The following EHBP1 variants were observed in gnomAD, a reference collection of about 807,000 sequenced individuals.
EHBP1 encodes EH domain-binding protein 1.
In EHBP1, 55 loss-of-function variants were observed where a neutral mutation model predicts 144.0. The observed-to-expected ratio is 0.38, with a 90% CI of 0.31 to 0.48. The LOEUF is 0.48. EHBP1 is among the 20% of genes least tolerant of loss of function. The pLI, the probability that EHBP1 is intolerant of heterozygous loss-of-function variation, is 0.98. For missense variants in EHBP1, 1,200 were observed against 1,364.2 expected, an observed-to-expected ratio of 0.88 and a Z score of 1.90; for synonymous variants, 469 against 472.7, an observed-to-expected ratio of 0.99 and a Z score of 0.10.
intron 10 of EHBP1, among the ~76,000 whole-genome samples, chr2:62,884,633 A>G (rs1325311387): frequency 1.3e-5 from 2 of 152,226 alleles, no homozygotes; most frequent in African/African-American, 4.8e-5. Flanking sequence ...GGAAATCACC[A>G]ACTACACAAT....
chr2:62,984,481 C>G (rs1402348511), intron 15 of EHBP1, among the ~76,000 whole-genome samples: 1 of 152,206 alleles, frequency 6.6e-6, no homozygotes, highest in African/African-American at 2.4e-5. Flanking sequence ...CTGCCTTGTT[C>G]ACCTACTGGG....
intron 7 of EHBP1, among the ~76,000 whole-genome samples, chr2:62,844,820 G>A (rs999096632): frequency 2.6e-5 from 4 of 152,028 alleles, no homozygotes; most frequent in African/African-American, 4.8e-5. Context: ...ATCACCATGG[G>A]GTCTACCTAA....
chr2:62,992,822 T>A (rs1176278799), intron 16 of EHBP1, among the ~76,000 whole-genome samples: 2 of 152,208 alleles, frequency 1.3e-5, no homozygotes, highest in Non-Finnish European at 2.9e-5. Flanking sequence ...CAGGCTTAGC[T>A]ATTAGTCATG....
intron 2 of EHBP1, among the ~76,000 whole-genome samples, chr2:62,732,581 C>T (rs1323073654): frequency 6.6e-6 from 1 of 152,148 alleles, no homozygotes; most frequent in Non-Finnish European, 1.5e-5. Context: ...CCCTTGCTCT[C>T]TCTTCCTTCT....
chr2:62,801,372 A>G (rs944161261), intron 5 of EHBP1, among the ~76,000 whole-genome samples: 1 of 152,200 alleles, frequency 6.6e-6, no homozygotes, highest in Admixed American at 6.5e-5. Context: ...TAACTGATAC[A>G]TTTATATCAA....
At chr2:62,752,954 C>T (rs187856214) in intron 3 of EHBP1, among the ~76,000 whole-genome samples, 1 of 152,128 alleles carries the variant, frequency 6.6e-6, no homozygotes, top group Non-Finnish European at 1.5e-5. Context: ...ACTCTTTATC[C>T]AAATTGCCAG....
chr2:62,967,391 G>C (rs1403347777), intron 14 of EHBP1, among the ~76,000 whole-genome samples: 1 of 152,190 alleles, frequency 6.6e-6, no homozygotes, highest in Non-Finnish European at 1.5e-5. Context: ...AATTGGATTT[G>C]TAGGAATAAC....
intron 8 of EHBP1, among the ~76,000 whole-genome samples, chr2:62,864,124 A>G (rs2152811770): frequency 6.6e-6 from 1 of 152,224 alleles, no homozygotes; most frequent in East Asian, 1.9e-4. Flanking sequence ...TTGGGATTAC[A>G]GGTGCAAGAG....
chr2:62,703,730 A>G (rs976220377), upstream of EHBP1, among the ~76,000 whole-genome samples: 10 of 152,250 alleles, frequency 6.6e-5, no homozygotes, highest in African/African-American at 2.4e-4. Flanking sequence ...AACTTGAGGA[A>G]GATTCCCTAG....
At chr2:62,917,279 T>G (rs2054700376) in intron 10 of EHBP1, among the ~76,000 whole-genome samples, 1 of 152,004 alleles carries the variant, frequency 6.6e-6, no homozygotes, top group Admixed American at 6.6e-5. Flanking sequence ...AGCAGCAGAG[T>G]GAGACCCTGT....
At chr2:62,803,682 G>T (rs2044216518) in intron 5 of EHBP1, among the ~76,000 whole-genome samples, 1 of 152,108 alleles carries the variant, frequency 6.6e-6, no homozygotes, top group Non-Finnish European at 1.5e-5. Context: ...ATCCTTATGT[G>T]TTCTATACAT....
chr2:62,989,308 C>T (rs1047990263), intron 15 of EHBP1, among the ~76,000 whole-genome samples: 1 of 151,886 alleles, frequency 6.6e-6, no homozygotes, highest in African/African-American at 2.4e-5. Context: ...GGAGGACATC[C>T]ATAAGTACTG....
chr2:62,976,164 A>C (rs1264986827), intron 14 of EHBP1, among the ~76,000 whole-genome samples: 1 of 152,094 alleles, frequency 6.6e-6, no homozygotes, highest in Non-Finnish European at 1.5e-5. Flanking sequence ...GATTCAATTC[A>C]TTGCAGTCAT....
At chr2:62,918,192 C>T (rs780052608) in intron 10 of EHBP1, among the ~76,000 whole-genome samples, 3 of 152,188 alleles carry the variant, frequency 2.0e-5, no homozygotes, top group East Asian at 1.9e-4. Context: ...CCACCACTCC[C>T]GGCCTATTGT....
chr2:62,906,152 C>CTTT (rs769180078), intron 10 of EHBP1, among the ~76,000 whole-genome samples: 1 of 135,084 alleles, frequency 7.4e-6, no homozygotes. Flanking sequence ...GTTATTTTGT[C>CTTT]TTTTTTTTTT....
chr2:62,841,289 A>G (rs527519645), intron 7 of EHBP1, among the ~76,000 whole-genome samples: 5 of 142,342 alleles, frequency 3.5e-5, no homozygotes, highest in South Asian at 2.2e-4. Flanking sequence ...GAACTGAACA[A>G]TGAGATCACA....
In EHBP1 at chr2:62,830,191, CACACAT is replaced by C. The variant is rs1553434291; in HGVS notation, c.495-826_495-821del. On this transcript the variant is annotated intron_variant, in intron 6 of 22. Transcript: ENST00000431489. ...ACACACACACACACACACACACACA[CACACAT>C]ATATATACACATATACACACACACA... Among the ~76,000 whole-genome samples the C allele has an allele frequency of 7.4e-3, 788 of 106,190 alleles. 4 individuals carry two copies. The highest frequency in any genetic ancestry group is 0.024 in the African/African-American group (751 of 30,744). 69.7% of individuals were successfully genotyped at this position (106,190 alleles called of 152,430 possible). A position where few individuals can be genotyped will look rare whatever the true frequency, so the allele number is the denominator to read the frequency against.
At chr2:62,750,597 C>G (rs1397020957) in intron 3 of EHBP1, among the ~76,000 whole-genome samples, 1 of 151,958 alleles carries the variant, frequency 6.6e-6, no homozygotes, top group South Asian at 2.1e-4. Context: ...TCATGATATT[C>G]ATTATTCCTA....
intron 5 of EHBP1, among the ~76,000 whole-genome samples, chr2:62,773,406 A>C (rs1283090259): frequency 1.3e-5 from 2 of 152,064 alleles, no homozygotes; most frequent in African/African-American, 2.4e-5. Context: ...AGATTTAACG[A>C]GGGAAAAGTT....
Sources: gnomAD v4.1 joint callset for allele counts (sites outside exome capture counted in the v4.1 genomes callset) on GRCh38, gnomAD v4.1.1 for gene constraint, MANE v1.5 for transcripts, NCBI Gene and HGNC (gene_info 2026-07-23, HGNC 2026-07-21) for gene names.